CREB5: variants seen among roughly 807,000 people sequenced by gnomAD.
CREB5 encodes the protein cyclic AMP-responsive element-binding protein 5.
CREB5 carries 19 observed loss-of-function variants against 57.1 expected under a neutral mutation model. The ratio of observed to expected loss-of-function variants is 0.33; its 90% CI spans 0.23 to 0.49. The LOEUF is 0.49. Among genes scored for constraint, CREB5 ranks in the 20% least tolerant of loss-of-function variants. The pLI is 0.99. For missense variants in CREB5, 579 were observed against 671.6 expected (o/e 0.86, Z 1.52); for synonymous variants, 238 against 238.3 (o/e 1.00, Z 0.01).
At chr7:28,747,777 C>T (rs1025236210) in intron 7 of CREB5, among the ~76,000 whole-genome samples, 10 of 152,140 alleles carry the variant, frequency 6.6e-5, no homozygotes, top group African/African-American at 2.4e-4. Flanking sequence ...TTACCTAACA[C>T]GAAGATCAAA....
chr7:28,560,987 T>TGCGTGTGCGCGCGTGC (rs1212595303), intron 4 of CREB5, among the ~76,000 whole-genome samples: 1 of 64,454 alleles, frequency 1.6e-5, no homozygotes, highest in Non-Finnish European at 3.5e-5. Flanking sequence ...TGTGCGTGCG[T>TGCGTGTGCGCGCGTGC]GTGTGTGCCT....
At chr7:28,519,019 C>T (rs1170989248) in intron 4 of CREB5, among the ~76,000 whole-genome samples, 3 of 152,188 alleles carry the variant, frequency 2.0e-5, no homozygotes, top group Non-Finnish European at 2.9e-5. Context: ...TTGTTAGATT[C>T]ATACATCACT....
chr7:28,592,263 A>C (rs1237515098), intron 5 of CREB5, among the ~76,000 whole-genome samples: 1 of 152,224 alleles, frequency 6.6e-6, no homozygotes, highest in Non-Finnish European at 1.5e-5. Context: ...CAGCTCAAAT[A>C]ACACAAAACC....
chr7:28,783,204 A>G (rs1433562708), intron 7 of CREB5, among the ~76,000 whole-genome samples: 1 of 152,102 alleles, frequency 6.6e-6, no homozygotes, highest in African/African-American at 2.4e-5. Flanking sequence ...CTCAAAAATC[A>G]CATTTCTCCT....
intron 1 of CREB5, among the ~76,000 whole-genome samples, chr7:28,339,503 G>C (rs748274782): frequency 3.3e-5 from 5 of 151,986 alleles, no homozygotes; most frequent in Non-Finnish European, 7.4e-5. Context: ...TCTCTCTATG[G>C]GCTGAGCTGC....
chr7:28,667,886 T>G (rs1324025042), intron 5 of CREB5, among the ~76,000 whole-genome samples: 1 of 152,206 alleles, frequency 6.6e-6, no homozygotes. Context: ...TTGGTTCTTA[T>G]TAACAAAGTT....
intron 4 of CREB5, among the ~76,000 whole-genome samples, chr7:28,532,332 C>T (rs917043042): frequency 6.6e-6 from 1 of 152,198 alleles, no homozygotes; most frequent in Admixed American, 6.5e-5. Context: ...CCAGGACCAT[C>T]CAGCTAAGCT....
chr7:28,374,649 G>T (rs1030691685), intron 1 of CREB5, among the ~76,000 whole-genome samples: 1 of 152,156 alleles, frequency 6.6e-6, no homozygotes, highest in African/African-American at 2.4e-5. Context: ...TTCTAGAAAA[G>T]GTGTATCTAT....
At chr7:28,455,396 C>G (rs1178074302) in intron 1 of CREB5, among the ~76,000 whole-genome samples, 1 of 152,148 alleles carries the variant, frequency 6.6e-6, no homozygotes, top group Non-Finnish European at 1.5e-5. Flanking sequence ...AGCATTTGAA[C>G]CAAGCCTTTA....
intron 1 of CREB5, among the ~76,000 whole-genome samples, chr7:28,482,577 C>G (rs1426756411): frequency 6.6e-6 from 1 of 152,162 alleles, no homozygotes; most frequent in African/African-American, 2.4e-5. Flanking sequence ...CCTCTAGAAA[C>G]CTTTTGAGGT....
At chr7:28,586,315 G>A (rs1224619254) in intron 5 of CREB5, among the ~76,000 whole-genome samples, 3 of 152,170 alleles carry the variant, frequency 2.0e-5, no homozygotes, top group Non-Finnish European at 4.4e-5. Context: ...AGGAGGCAGC[G>A]AGTTCCCCCA....
intron 5 of CREB5, among the ~76,000 whole-genome samples, chr7:28,684,207 A>T (rs1182119346): frequency 6.6e-6 from 1 of 152,204 alleles, no homozygotes; most frequent in African/African-American, 2.4e-5. Flanking sequence ...GGCAAGTCAG[A>T]CGTAAATGAG....
chr7:28,746,133 T>G (rs1583659602), intron 7 of CREB5, among the ~76,000 whole-genome samples: 1 of 152,238 alleles, frequency 6.6e-6, no homozygotes, highest in East Asian at 1.9e-4. Context: ...AGTTGATCTC[T>G]AAGGAGGTAC....
chr7:28,343,025 C>T (rs1255201665), intron 1 of CREB5, among the ~76,000 whole-genome samples: 1 of 152,018 alleles, frequency 6.6e-6, no homozygotes, highest in African/African-American at 2.4e-5. Context: ...ACTGCAAGCT[C>T]CGCCTCCCGG....
chr7:28,780,007 G>A (rs987709951), intron 7 of CREB5, among the ~76,000 whole-genome samples: 1 of 152,098 alleles, frequency 6.6e-6, no homozygotes, highest in Admixed American at 6.6e-5. Context: ...GAGCTCAAGC[G>A]ATCTGCCCTC....
At chr7:28,543,982 T>C (rs770546046) in intron 4 of CREB5, among the ~76,000 whole-genome samples, 45 of 150,430 alleles carry the variant, frequency 3.0e-4, no homozygotes, top group Non-Finnish European at 5.9e-4. Flanking sequence ...AATGAGATGA[T>C]TATTTTTGCC....
chr7:28,790,661 C>T (rs1275118694), intron 7 of CREB5, among the ~76,000 whole-genome samples: 1 of 152,224 alleles, frequency 6.6e-6, no homozygotes, highest in African/African-American at 2.4e-5. Flanking sequence ...TTATCGTGGA[C>T]ATGCTGAAGG....
chr7:28,483,317 T>G (rs765649905), intron 1 of CREB5, among the ~76,000 whole-genome samples: 1 of 152,194 alleles, frequency 6.6e-6, no homozygotes, highest in Non-Finnish European at 1.5e-5. Context: ...CACTGAACAA[T>G]GAAAGAGATT....
At chr7:28,408,078 T>C (rs967450700), upstream of CREB5, among the ~76,000 whole-genome samples, 3 of 152,158 alleles carry the variant, frequency 2.0e-5, no homozygotes, top group Admixed American at 2.0e-4. Flanking sequence ...TACCCCTGGC[T>C]CTATGAAGGA....
Sources: gnomAD v4.1 joint callset for allele counts (sites outside exome capture counted in the v4.1 genomes callset) on GRCh38, gnomAD v4.1.1 for gene constraint, MANE v1.5 for transcripts, NCBI Gene and HGNC (gene_info 2026-07-23, HGNC 2026-07-21) for gene names.